The following DNPEP variants were observed in gnomAD, a reference collection of about 807,000 sequenced individuals.
DNPEP encodes the protein aspartyl aminopeptidase.
Under a neutral mutation model 59.1 loss-of-function variants are expected in DNPEP, and 46 were observed. The observed-to-expected ratio is 0.78, with a 90% CI of 0.61 to 0.99. The LOEUF (loss-of-function observed/expected upper bound fraction) is 0.99. Ranked by LOEUF, DNPEP falls within the 50% of genes least tolerant of loss-of-function variation. DNPEP has a pLI of 0.00. For synonymous variants in DNPEP, 229 were observed against 242.2 expected, an observed-to-expected ratio of 0.95 and a Z score of 0.50; for missense variants, 617 against 649.9, an observed-to-expected ratio of 0.95 and a Z score of 0.55.
chr2:219,396,284 T>G (rs1201996829), intron 1 of DNPEP, among the ~76,000 whole-genome samples: 1 of 152,110 alleles, frequency 6.6e-6, no homozygotes, highest in Non-Finnish European at 1.5e-5. Context: ...CCCAGTTTAA[T>G]TTGAATTTAA....
rs58867229 is a variant in DNPEP, at chr2:219,380,842, T to TACAC, written c.1239+489_1239+492dup. 7.8e-4 allele frequency among the ~76,000 whole-genome samples: 114 copies of TACAC among 145,782 alleles called. 1 individual carries two copies. Among genetic ancestry groups the TACAC allele is most frequent in the African/African-American group, 2.7e-3 (109 of 39,696 alleles). ...CATACATGTATACAACATATATATG[T>TACAC]ACACACACACACACACACACTGAGG... On this transcript the variant is annotated intron_variant, in intron 13 of 14. Transcript: ENST00000273075.
upstream of DNPEP, chr2:219,387,981 C>T (rs1269393744): frequency 5.4e-6 from 7 of 1,298,244 alleles, no homozygotes; most frequent in African/African-American, 8.0e-5. Flanking sequence ...GGCATCCGCC[C>T]CGCCCACCTC....
chr2:219,396,350 G>C (rs1340097185), intron 1 of DNPEP, among the ~76,000 whole-genome samples: 1 of 152,170 alleles, frequency 6.6e-6, no homozygotes. Context: ...CACTTTGGGA[G>C]GCCAAGGCAG....
rs1953920890 is a variant in DNPEP, at chr2:219,387,871, C to T, written c.-77G>A. The stretch of plus-strand genomic sequence containing the variant: ...CTAGCTTTGCAGGTCCCCCGCGTGC[C>T]CCTTCAGGCCGCGCCGCACTCGTAG... On this transcript the variant is annotated 5_prime_UTR_variant, in exon 1 of 15. Transcript: ENST00000273075. The T allele has an allele frequency of 4.8e-6, 7 of 1,471,862 alleles. No individual in the cohort carries two copies. The highest frequency in any genetic ancestry group is 1.3e-5 in the South Asian group (1 of 75,650). 91.2% of individuals were successfully genotyped at this position (1,471,862 alleles called of 1,614,324 possible). A position where few individuals can be genotyped will look rare whatever the true frequency, so the allele number is the denominator to read the frequency against.
At position 219,374,188 on chromosome 2, in the gene DNPEP, G is replaced by A. The variant is rs1017665286; in HGVS notation, c.*104C>T. 2.2e-5 allele frequency: 25 copies of A among 1,137,870 alleles called. No individual in the cohort carries two copies. The highest frequency in any genetic ancestry group is 2.0e-5 in the Non-Finnish European group (15 of 756,876). The allele number at this position is 1,137,870 out of a possible 1,614,324, so 70.5% of individuals were successfully genotyped here. Reference sequence around the variant, plus strand: ...TCTAGTCTCCAAATAAGCGTAGCACGGAGAGTCTGAGTGACAATCCACTTT... The same window carrying A: ...TCTAGTCTCCAAATAAGCGTAGCACAGAGAGTCTGAGTGACAATCCACTTT... On this transcript the variant is annotated 3_prime_UTR_variant, in exon 15 of 15. Transcript: ENST00000273075.
chr2:219,393,034 C>T (rs934786737), upstream of DNPEP, among the ~76,000 whole-genome samples: 2 of 152,324 alleles, frequency 1.3e-5, no homozygotes, highest in African/African-American at 2.4e-5. Flanking sequence ...ATCCAAGCCG[C>T]GCTGCCTGGT....
intron 1 of DNPEP, 104 bp downstream of exon 1, chr2:219,387,655 G>A: frequency 6.4e-7 from 1 of 1,565,046 alleles, no homozygotes; most frequent in Non-Finnish European, 8.7e-7. Context: ...GTTTCGCTTT[G>A]GGTCAGGCGG....
rs545183823 is a variant in DNPEP, at chr2:219,372,411, G to A, written c.*1881C>T. ...GACGGAGTCTGGCTCTGTCGCCCAG[G>A]CTGGAGTGCAGTGGCTCAATCTTGG... is the stretch of plus-strand genomic sequence containing the variant. On this transcript the variant is annotated 3_prime_UTR_variant, in exon 15 of 15. Transcript: ENST00000273075. 2.0e-5 allele frequency among the ~76,000 whole-genome samples: 3 copies of A among 152,156 alleles called. No individual in the cohort carries two copies. In the East Asian group the frequency reaches 5.8e-4, roughly 29 times the overall value.
At chr2:219,393,240 C>T (rs1220177293), upstream of DNPEP, among the ~76,000 whole-genome samples, 1 of 152,136 alleles carries the variant, frequency 6.6e-6, no homozygotes, top group African/African-American at 2.4e-5. Flanking sequence ...CTGTCCTGGG[C>T]TGCATGTGGT....
intron 13 of DNPEP, among the ~76,000 whole-genome samples, chr2:219,376,725 C>T (rs745422514): frequency 7.2e-5 from 11 of 152,186 alleles, no homozygotes; most frequent in Admixed American, 2.0e-4. Context: ...GGGCATTTTT[C>T]GGTAAATTCT....
intron 9 of DNPEP, among the ~76,000 whole-genome samples, chr2:219,383,877 GAA>G (rs981513071): frequency 2.6e-5 from 4 of 152,222 alleles, no homozygotes; most frequent in African/African-American, 9.6e-5. Context: ...AGGAGAGAAA[GAA>G]AGGGAACTGA....
At chr2:219,396,782 G>A (rs1196707595) in intron 1 of DNPEP, among the ~76,000 whole-genome samples, 1 of 152,152 alleles carries the variant, frequency 6.6e-6, no homozygotes, top group Non-Finnish European at 1.5e-5. Context: ...ACTTTCCTGA[G>A]TGTAATACTG....
chr2:219,388,521 C>T (rs1282222439), upstream of DNPEP: 3 of 191,788 alleles, frequency 1.6e-5, no homozygotes, highest in Non-Finnish European at 2.9e-5. Context: ...CCGCCCTCGT[C>T]TCCGCCCCTG....
intron 13 of DNPEP, among the ~76,000 whole-genome samples, chr2:219,376,117 TG>T (rs1368317320): frequency 6.6e-6 from 1 of 152,176 alleles, no homozygotes; most frequent in African/African-American, 2.4e-5. Context: ...GTCAAAGCCA[TG>T]GCAATTCACA....
chr2:219,390,420 G>T (rs1453562245), upstream of DNPEP, among the ~76,000 whole-genome samples: 1 of 152,046 alleles, frequency 6.6e-6, no homozygotes, highest in African/African-American at 2.4e-5. Flanking sequence ...AAGTAAAAAG[G>T]TTCTTATTGA....
rs748443197 is a variant in DNPEP at position 219,374,950 on chromosome 2, G to A, written c.1312C>T (p.Arg438Trp). Residue 438 changes from arginine to tryptophan, a missense_variant, in exon 14 of 15, where the codon CGG becomes TGG. Coordinates refer to ENST00000273075, the MANE Select transcript of DNPEP (RefSeq NM_012100.4). Reference sequence around the variant, plus strand: ...TGGGGGCTGCCTAAATCCAGCACCCGCAGCCCCAGCCGAGAAGCCAAGATA... The same window carrying A: ...TGGGGGCTGCCTAAATCCAGCACCCACAGCCCCAGCCGAGAAGCCAAGATA... ...GPILASRLGLRVLDLGSPQLA... is the reference protein window; with the variant it reads ...GPILASRLGLWVLDLGSPQLA... 1.4e-5 allele frequency: 23 copies of A among 1,614,002 alleles called. No homozygotes were observed. The Admixed American group carries it at 2.8e-4, about 20-fold the overall frequency.
In DNPEP at chr2:219,386,052, C is replaced by T. The variant is rs762809116; in HGVS notation, c.506G>A (p.Arg169Gln). Residue 169 changes from arginine (R) to glutamine (Q), a missense_variant, in exon 6 of 15, where the codon CGG becomes CAG. Transcript: ENST00000273075. ...RLEQQLVHVE[R>Q]PILRIPHLAI... ...CAGGTGTGGGATGCGAAGAATGGGCCGCTCCACGTGCACCAGCTGCTGCTC... is the reference window on the plus strand; with the variant it reads ...CAGGTGTGGGATGCGAAGAATGGGCTGCTCCACGTGCACCAGCTGCTGCTC... The T allele has an allele frequency of 7.6e-5, 123 of 1,614,002 alleles. No individual in the cohort carries two copies. The highest frequency in any genetic ancestry group is 6.6e-4 in the Middle Eastern group (4 of 6,084).
chr2:219,379,952 T>A (rs1342595607), intron 13 of DNPEP, among the ~76,000 whole-genome samples: 1 of 150,328 alleles, frequency 6.7e-6, no homozygotes, highest in Non-Finnish European at 1.5e-5. Context: ...ATAAATAAAG[T>A]TAAAAAGTTA....
upstream of DNPEP, chr2:219,393,625 T>C (rs1283539113): frequency 6.6e-6 from 1 of 152,262 alleles, no homozygotes. Flanking sequence ...GTGTGTTCTT[T>C]GTACTGCCCA....
Sources: allele counts gnomAD v4.1 joint callset (sites outside exome capture counted in the v4.1 genomes callset), GRCh38; gene constraint gnomAD v4.1.1; transcripts MANE v1.5; gene names NCBI Gene and HGNC (gene_info 2026-07-23, HGNC 2026-07-21).